IL1RAP: variants seen among roughly 807,000 people sequenced by gnomAD.
IL1RAP encodes the protein interleukin-1 receptor accessory protein.
IL1RAP carries 35 observed loss-of-function variants against 60.7 expected under a neutral mutation model. The ratio of observed to expected loss-of-function variants is 0.58; its 90% CI spans 0.44 to 0.76. The LOEUF is 0.76. Ranked by LOEUF, IL1RAP falls within the 30% of genes least tolerant of loss-of-function variation. IL1RAP has a pLI of 0.00. For synonymous variants in IL1RAP, 268 were observed against 250.9 expected (o/e 1.07, Z -0.64); for missense variants, 572 against 693.9 (o/e 0.82, Z 1.97).
intron 6 of IL1RAP, among the ~76,000 whole-genome samples, chr3:190,621,073 T>A (rs1196230306): frequency 6.6e-6 from 1 of 152,214 alleles, no homozygotes; most frequent in African/African-American, 2.4e-5. Context: ...AGAGAAGTAG[T>A]GTCAGGATAT....
intron 9 of IL1RAP, chr3:190,642,303 G>A (rs1733713841): frequency 6.5e-6 from 1 of 152,674 alleles, no homozygotes; most frequent in African/African-American, 2.4e-5. Flanking sequence ...CGCACTCAGT[G>A]GAAGAGGACG....
chr3:190,615,817 C>T (rs778248981), intron 5 of IL1RAP, among the ~76,000 whole-genome samples: 4 of 152,088 alleles, frequency 2.6e-5, no homozygotes, highest in Non-Finnish European at 4.4e-5. Flanking sequence ...TTTCTGAAAA[C>T]GTGCCTGGCT....
At chr3:190,613,289 A>G (rs1479951078) in intron 5 of IL1RAP, among the ~76,000 whole-genome samples, 2 of 152,170 alleles carry the variant, frequency 1.3e-5, no homozygotes, top group Non-Finnish European at 1.5e-5. Flanking sequence ...TTAGGGAGTA[A>G]GTAATGGGTT....
intron 5 of IL1RAP, among the ~76,000 whole-genome samples, chr3:190,615,527 A>G (rs985722421): frequency 2.6e-5 from 4 of 152,204 alleles, no homozygotes; most frequent in African/African-American, 9.7e-5. Context: ...CTCACCGAGG[A>G]TCAAAAGAAC....
At chr3:190,575,034 A>G (rs1463770337) in intron 3 of IL1RAP, among the ~76,000 whole-genome samples, 1 of 152,128 alleles carries the variant, frequency 6.6e-6, no homozygotes, top group African/African-American at 2.4e-5. Flanking sequence ...AAAACATGGA[A>G]TATTTTTGTC....
At chr3:190,532,261 C>CTTTTTTT (rs370264409) in intron 1 of IL1RAP, among the ~76,000 whole-genome samples, 3 of 128,284 alleles carry the variant, frequency 2.3e-5, no homozygotes, top group East Asian at 2.1e-4. Context: ...AATCATCTTT[C>CTTTTTTT]TTTTTTTTTT....
intron 3 of IL1RAP, among the ~76,000 whole-genome samples, chr3:190,577,100 C>CA (rs34108263): frequency 0.13 from 11,084 of 86,012 alleles, 970 homozygotes; most frequent in African/African-American, 0.18. Context: ...GACTCCGTCT[C>CA]AAAAAAAAAA....
At chr3:190,596,019 G>A (rs779386639) in intron 3 of IL1RAP, among the ~76,000 whole-genome samples, 3 of 152,188 alleles carry the variant, frequency 2.0e-5, no homozygotes, top group Non-Finnish European at 4.4e-5. Flanking sequence ...TAGGCAGGGT[G>A]TACATGCAGA....
At chr3:190,526,629 C>T (rs1281878157) in intron 1 of IL1RAP, among the ~76,000 whole-genome samples, 2 of 152,138 alleles carry the variant, frequency 1.3e-5, no homozygotes, top group East Asian at 3.9e-4. Context: ...ATGTTGTTGG[C>T]ACAAATGTAG....
Position 190,648,929 on chromosome 3 carries a change from T to G in IL1RAP, c.*224T>G. Reference sequence around the variant, plus strand: ...TTCTGTCACCAGTCTCTGATGCCACTATGTTCTTTGCAGGCAAAGACTTGT... The same window carrying G: ...TTCTGTCACCAGTCTCTGATGCCACGATGTTCTTTGCAGGCAAAGACTTGT... On this transcript the variant is annotated 3_prime_UTR_variant, in exon 12 of 12. Coordinates refer to ENST00000447382, the MANE Select transcript of IL1RAP (RefSeq NM_002182.4). The G allele has an allele frequency of 7.6e-7, 1 of 1,314,060 alleles. No individual in the cohort carries two copies. Among genetic ancestry groups the G allele is most frequent in the East Asian group, 3.1e-5 (1 of 32,658 alleles). The allele number at this position is 1,314,060 out of a possible 1,614,324, so 81.4% of individuals were successfully genotyped here. A position where few individuals can be genotyped will look rare whatever the true frequency, so the allele number is the denominator to read the frequency against.
intron 3 of IL1RAP, 36 bp from the exon 4 acceptor site, chr3:190,604,092 T>C: frequency 6.3e-7 from 1 of 1,589,248 alleles, no homozygotes. Flanking sequence ...GTAAAATGAC[T>C]CATCTGCCCC....
intron 1 of IL1RAP, among the ~76,000 whole-genome samples, chr3:190,538,504 A>G (rs1246763709): frequency 2.0e-5 from 3 of 152,194 alleles, no homozygotes; most frequent in Non-Finnish European, 2.9e-5. Context: ...TGCACACAGC[A>G]GGAGCTCTTA....
In IL1RAP at chr3:190,631,644, A is replaced by C. The variant is rs546338703; in HGVS notation, c.1051+2146A>C. Among the ~76,000 whole-genome samples, 3 of 152,330 alleles carry C rather than the reference A, an allele frequency of 2.0e-5. No individual in the cohort carries two copies. The Middle Eastern group carries it at 0.01, about 518-fold the overall frequency. On this transcript the variant is annotated intron_variant, in intron 9 of 11. Coordinates refer to ENST00000447382, the MANE Select transcript of IL1RAP (RefSeq NM_002182.4). ...AAATTTATTAGCAAAGCATTATATGAACTTCCTCAAAAGGACATCAAGAAA... is the reference window on the plus strand; with the variant it reads ...AAATTTATTAGCAAAGCATTATATGCACTTCCTCAAAAGGACATCAAGAAA...
intron 1 of IL1RAP, among the ~76,000 whole-genome samples, chr3:190,547,616 A>G (rs1724489753): frequency 6.6e-6 from 1 of 152,200 alleles, no homozygotes; most frequent in Admixed American, 6.5e-5. Context: ...GTGAGGATGC[A>G]TAATAGGCTG....
chr3:190,542,913 A>C (rs985518014), intron 1 of IL1RAP, among the ~76,000 whole-genome samples: 3 of 138,742 alleles, frequency 2.2e-5, no homozygotes, highest in African/African-American at 8.4e-5. Context: ...TAGCATCAAC[A>C]GGCTCAGGGG....
intron 11 of IL1RAP, among the ~76,000 whole-genome samples, chr3:190,646,458 G>C (rs1168270964): frequency 6.6e-6 from 1 of 151,862 alleles, no homozygotes; most frequent in African/African-American, 2.4e-5. Context: ...ATACATTTGA[G>C]GGTTACTTTA....
chr3:190,527,000 G>A (rs975528630), intron 1 of IL1RAP, among the ~76,000 whole-genome samples: 10 of 152,140 alleles, frequency 6.6e-5, no homozygotes, highest in Admixed American at 2.0e-4. Context: ...GTGTGACCAC[G>A]CTTTTTTCCT....
At chr3:190,632,776 G>C (rs1732897343) in intron 9 of IL1RAP, among the ~76,000 whole-genome samples, 1 of 152,072 alleles carries the variant, frequency 6.6e-6, no homozygotes, top group South Asian at 2.1e-4. Flanking sequence ...AATACTCTGA[G>C]GTACTGGGTT....
At chr3:190,608,966 A>G in intron 4 of IL1RAP, 29 bp from the exon 5 acceptor site, 3 of 1,562,920 alleles carry the variant, frequency 1.9e-6, no homozygotes, top group Non-Finnish European at 2.6e-6. Flanking sequence ...TGCAAATACT[A>G]CCCATTCATT....
Sources: gnomAD v4.1 joint callset for allele counts (sites outside exome capture counted in the v4.1 genomes callset) on GRCh38, gnomAD v4.1.1 for gene constraint, MANE v1.5 for transcripts, NCBI Gene and HGNC (gene_info 2026-07-23, HGNC 2026-07-21) for gene names.